Variants in PPFIA2 observed in about 807,000 individuals in gnomAD.
PPFIA2 encodes PPFI scaffold protein A2.
PPFIA2 carries 46 observed loss-of-function variants against 175.5 expected under a neutral mutation model. The observed-to-expected ratio is 0.26, with a 90% CI of 0.21 to 0.34. PPFIA2 has a LOEUF of 0.34. PPFIA2 is among the 10% of genes least tolerant of loss of function. The pLI is 1.00. For synonymous variants in PPFIA2, 568 were observed against 511.4 expected, an observed-to-expected ratio of 1.11 and a Z score of -1.49; for missense variants, 1,179 against 1,506.1, an observed-to-expected ratio of 0.78 and a Z score of 3.60.
At chr12:81,354,494 C>G (rs1414904681) in intron 16 of PPFIA2, among the ~76,000 whole-genome samples, 1 of 152,136 alleles carries the variant, frequency 6.6e-6, no homozygotes, top group Non-Finnish European at 1.5e-5. Context: ...CATGAGATTG[C>G]AGCAATTTGG....
At chr12:81,698,882 G>A (rs955842524) in intron 3 of PPFIA2, among the ~76,000 whole-genome samples, 2 of 152,046 alleles carry the variant, frequency 1.3e-5, no homozygotes, top group Non-Finnish European at 2.9e-5. Flanking sequence ...TCTATTGTAT[G>A]TTCCATGACA....
At chr12:81,408,035 T>C (rs1010480306) in intron 7 of PPFIA2, among the ~76,000 whole-genome samples, 2 of 152,162 alleles carry the variant, frequency 1.3e-5, no homozygotes, top group Non-Finnish European at 2.9e-5. Context: ...AAAAATGTGT[T>C]GAATTAAATA....
chr12:81,406,136 G>A (rs1020050442), intron 7 of PPFIA2, among the ~76,000 whole-genome samples: 1 of 152,008 alleles, frequency 6.6e-6, no homozygotes, highest in Admixed American at 6.6e-5. Context: ...TTAAAGCACT[G>A]TAAAATTTAC....
In PPFIA2 at chr12:81,676,718, C is replaced by A. The variant is rs575647545; in HGVS notation, c.303+73G>T. The A allele has an allele frequency of 2.9e-6, 3 of 1,036,764 alleles. No homozygotes were observed. The East Asian group carries it at 9.0e-5, about 31-fold the overall frequency. The allele number at this position is 1,036,764 out of a possible 1,614,324, so 64.2% of individuals were successfully genotyped here. Reference sequence around the variant, plus strand: ...CTGCATATGACAAATAATATACAAGCAATCAACTGATAATCTGGTGTGTAC... The same window carrying A: ...CTGCATATGACAAATAATATACAAGAAATCAACTGATAATCTGGTGTGTAC... On this transcript the variant is annotated intron_variant, in intron 4 of 32. Transcript: ENST00000549396.
intron 4 of PPFIA2, among the ~76,000 whole-genome samples, chr12:81,647,500 G>T (rs543251363): frequency 6.6e-6 from 1 of 151,906 alleles, no homozygotes. Context: ...GGTGGCTCAC[G>T]CCTGTAATCC....
At position 81,589,523 on chromosome 12, in the gene PPFIA2, T is replaced by A. The variant is rs2058427974; in HGVS notation, c.303+87268A>T. Reference sequence around the variant, plus strand: ...AAAAGCCTTAAATTTAAAAATCCAGTGAGGCAATGTTTTCAAGTTATGGAG... The same window carrying A: ...AAAAGCCTTAAATTTAAAAATCCAGAGAGGCAATGTTTTCAAGTTATGGAG... On this transcript the variant is annotated intron_variant, in intron 4 of 32. Coordinates refer to ENST00000549396, the MANE Select transcript of PPFIA2 (RefSeq NM_003625.5). Among the ~76,000 whole-genome samples the A allele has an allele frequency of 2.0e-5, 3 of 152,214 alleles. No homozygotes were observed. In the East Asian group the frequency reaches 5.8e-4, roughly 29 times the overall value.
chr12:81,353,360 T>C, intron 16 of PPFIA2, 21 bp from the exon 17 acceptor site: 1 of 1,526,208 alleles, frequency 6.6e-7, no homozygotes, highest in Non-Finnish European at 9.1e-7. Flanking sequence ...AATGAAAAAA[T>C]GCAGAATATT....
intron 3 of PPFIA2, among the ~76,000 whole-genome samples, chr12:81,747,658 TA>T (rs142000710): frequency 0.027 from 3,839 of 144,182 alleles, 432 homozygotes; most frequent in South Asian, 0.047. Context: ...ATAACGATCT[TA>T]TGAGGCAGTT....
intron 24 of PPFIA2, among the ~76,000 whole-genome samples, chr12:81,289,763 T>A (rs895838045): frequency 2.0e-5 from 3 of 151,876 alleles, no homozygotes. Context: ...AGGTGCTCCA[T>A]CTAAATTTGC....
chr12:81,558,568 T>A (rs959518092), intron 4 of PPFIA2, among the ~76,000 whole-genome samples: 1 of 152,128 alleles, frequency 6.6e-6, no homozygotes, highest in Admixed American at 6.6e-5. Flanking sequence ...AGACAGCCCA[T>A]CCCAGTGTGA....
intron 3 of PPFIA2, among the ~76,000 whole-genome samples, chr12:81,700,349 C>A (rs1313692405): frequency 6.6e-6 from 1 of 152,012 alleles, no homozygotes; most frequent in East Asian, 1.9e-4. Context: ...CAGAGTTCTA[C>A]AACTGTATGT....
chr12:81,737,921 G>A (rs1325420206), intron 3 of PPFIA2, among the ~76,000 whole-genome samples: 2 of 151,496 alleles, frequency 1.3e-5, no homozygotes, highest in Non-Finnish European at 3.0e-5. Context: ...AATGAGGGGG[G>A]AAACAGAATG....
chr12:81,668,799 A>G lies in PPFIA2; in HGVS notation c.303+7992T>C, dbSNP rs12579032. The stretch of plus-strand genomic sequence containing the variant: ...AAGAATGTGGGGATACTTATCATCA[A>G]TGGCACTATGTTTTGGGGTTTTAAA... On this transcript the variant is annotated intron_variant, in intron 4 of 32. Transcript: ENST00000549396. Among the ~76,000 whole-genome samples the G allele has an allele frequency of 5.7e-4, 87 of 152,144 alleles. 3 individuals are homozygous for G. In the East Asian group the frequency reaches 0.016, roughly 29 times the overall value.
At chr12:81,596,563 G>A (rs1277565055) in intron 4 of PPFIA2, among the ~76,000 whole-genome samples, 1 of 152,020 alleles carries the variant, frequency 6.6e-6, no homozygotes, top group East Asian at 1.9e-4. Context: ...GTGTCAGTAA[G>A]ATCTTTACTG....
chr12:81,682,265 A>G (rs2073774223), intron 3 of PPFIA2, among the ~76,000 whole-genome samples: 1 of 151,898 alleles, frequency 6.6e-6, no homozygotes. Flanking sequence ...CCATATGAGA[A>G]CACAAGAAGA....
At chr12:81,647,351 C>T (rs907976452) in intron 4 of PPFIA2, among the ~76,000 whole-genome samples, 13 of 151,842 alleles carry the variant, frequency 8.6e-5, no homozygotes, top group African/African-American at 3.1e-4. Context: ...GTCTTATATG[C>T]AAATATATTT....
chr12:81,462,270 TA>T (rs1353354547), intron 4 of PPFIA2, among the ~76,000 whole-genome samples: 2 of 134,702 alleles, frequency 1.5e-5, no homozygotes, highest in African/African-American at 6.1e-5. Context: ...TATATATATA[TA>T]TATATGTTAG....
chr12:81,389,807 T>A (rs2039766872), intron 8 of PPFIA2, among the ~76,000 whole-genome samples: 1 of 152,090 alleles, frequency 6.6e-6, no homozygotes, highest in Admixed American at 6.6e-5. Flanking sequence ...GGATATAATT[T>A]ACACGCCATA....
chr12:81,758,320 CTGGGGGCGGGG>C, intron 2 of PPFIA2, 69 bp downstream of exon 2: 1 of 447,870 alleles, frequency 2.2e-6, no homozygotes, highest in Non-Finnish European at 4.5e-6. Context: ...CTCATCTTCC[CTGGGGGCGGGG>C]TGGGGCCGGG....
Sources: allele counts gnomAD v4.1 joint callset (sites outside exome capture counted in the v4.1 genomes callset), GRCh38; gene constraint gnomAD v4.1.1; transcripts MANE v1.5; gene names NCBI Gene and HGNC (gene_info 2026-07-23, HGNC 2026-07-21).